Variants in SLC24A4 observed in about 807,000 individuals in gnomAD.
SLC24A4 encodes solute carrier family 24 member 4.
SLC24A4 carries 53 observed loss-of-function variants against 79.0 expected under a neutral mutation model. The observed-to-expected ratio is 0.67, with a 90% CI of 0.54 to 0.84. SLC24A4 has a LOEUF of 0.84. SLC24A4 is among the 40% of genes least tolerant of loss of function. SLC24A4 has a pLI of 0.00. For missense variants in SLC24A4, 731 were observed against 822.0 expected (o/e 0.89, Z 1.35); for synonymous variants, 323 against 323.8 (o/e 1.00, Z 0.03).
chr14:92,424,900 C>G (rs1452088199), intron 2 of SLC24A4, among the ~76,000 whole-genome samples: 1 of 80,894 alleles, frequency 1.2e-5, no homozygotes, highest in African/African-American at 4.3e-5. Context: ...AAAAACAAAA[C>G]CCAGCTCTTG....
At chr14:92,420,539 T>G (rs1891220723) in intron 2 of SLC24A4, among the ~76,000 whole-genome samples, 1 of 152,152 alleles carries the variant, frequency 6.6e-6, no homozygotes, top group South Asian at 2.1e-4. Flanking sequence ...CCTAAGAAAC[T>G]CTATTGTAAA....
At chr14:92,362,556 G>A (rs1887596228) in intron 2 of SLC24A4, among the ~76,000 whole-genome samples, 1 of 152,210 alleles carries the variant, frequency 6.6e-6, no homozygotes, top group Admixed American at 6.5e-5. Flanking sequence ...GACACAGATG[G>A]GCATCCATAG....
chr14:92,417,142 G>C (rs1157691534), intron 2 of SLC24A4, among the ~76,000 whole-genome samples: 1 of 152,128 alleles, frequency 6.6e-6, no homozygotes, highest in Non-Finnish European at 1.5e-5. Context: ...CAAGGACCAT[G>C]TACAGTCATG....
At chr14:92,354,837 G>A (rs1238171785) in intron 2 of SLC24A4, among the ~76,000 whole-genome samples, 1 of 152,178 alleles carries the variant, frequency 6.6e-6, no homozygotes, top group African/African-American at 2.4e-5. Context: ...ACTTTGGGAG[G>A]CCGAGGTGGG....
chr14:92,477,451 T>C (rs1301159129), intron 12 of SLC24A4, among the ~76,000 whole-genome samples: 1 of 152,112 alleles, frequency 6.6e-6, no homozygotes, highest in Non-Finnish European at 1.5e-5. Flanking sequence ...TTTTCCTTTT[T>C]TTGTTGTTGT....
intron 2 of SLC24A4, among the ~76,000 whole-genome samples, chr14:92,376,231 A>T (rs1424816544): frequency 6.6e-6 from 1 of 152,136 alleles, no homozygotes; most frequent in Non-Finnish European, 1.5e-5. Context: ...GGCCTCTCAA[A>T]TGGAGCTGCC....
At chr14:92,435,167 C>G (rs1892098903) in intron 3 of SLC24A4, among the ~76,000 whole-genome samples, 1 of 152,202 alleles carries the variant, frequency 6.6e-6, no homozygotes, top group Non-Finnish European at 1.5e-5. Flanking sequence ...TGTTGTACTT[C>G]TCAAACTTCC....
rs1461040409 is a variant in SLC24A4 at position 92,490,513 on chromosome 14, G to A, written c.1538-1152G>A. On this transcript the variant is annotated intron_variant, in intron 14 of 16. Coordinates refer to ENST00000532405, the MANE Select transcript of SLC24A4 (RefSeq NM_153646.4). The surrounding 1 kb of genome is among the most constrained non-coding windows in gnomAD (Gnocchi z 4.3). ...CAGAAACTACCAGAGCATACAATCC[G>A]ATATCCTGTGATTCCCAGGCAGGGT... Among the ~76,000 whole-genome samples the A allele has an allele frequency of 6.6e-6, 1 of 152,188 alleles. No individual in the cohort carries two copies. Among genetic ancestry groups the A allele is most frequent in the Non-Finnish European group, 1.5e-5 (1 of 68,026 alleles).
intron 13 of SLC24A4, chr14:92,484,587 C>A: frequency 7.1e-6 from 7 of 985,384 alleles, no homozygotes; most frequent in Non-Finnish European, 8.4e-6. Context: ...TCAGGAGAGG[C>A]AGAACCACTC....
intron 13 of SLC24A4, among the ~76,000 whole-genome samples, chr14:92,485,130 A>G (rs578166930): frequency 6.6e-6 from 1 of 152,158 alleles, no homozygotes; most frequent in Admixed American, 6.5e-5. Context: ...CCCACTCCAT[A>G]TGGGGGATGG....
intron 2 of SLC24A4, among the ~76,000 whole-genome samples, chr14:92,355,377 G>A (rs1055452426): frequency 2.0e-5 from 3 of 152,284 alleles, no homozygotes; most frequent in Non-Finnish European, 2.9e-5. Context: ...GGAGACACAC[G>A]TGGACACTGT....
At chr14:92,445,160 AAGGAAAGGCCCGT>A in intron 7 of SLC24A4, 144 bp from the exon 8 acceptor site, 1 of 816,296 alleles carries the variant, frequency 1.2e-6, no homozygotes, top group Non-Finnish European at 2.1e-6. Flanking sequence ...AGGCTACACT[AAGGAAAGGCCCGT>A]AGGTGAGCAG....
intron 2 of SLC24A4, among the ~76,000 whole-genome samples, chr14:92,348,444 G>A (rs1886668465): frequency 6.6e-6 from 1 of 152,212 alleles, no homozygotes; most frequent in Non-Finnish European, 1.5e-5. Context: ...TGCCGATGCA[G>A]GGTGACTCCG....
intron 12 of SLC24A4, among the ~76,000 whole-genome samples, chr14:92,466,406 G>T (rs1894120738): frequency 6.6e-6 from 1 of 152,128 alleles, no homozygotes; most frequent in Admixed American, 6.5e-5. Flanking sequence ...ATACAGAGAG[G>T]CTAAATGCTT....
chr14:92,353,315 G>A lies in SLC24A4; in HGVS notation c.241+27337G>A, dbSNP rs1034570503. Reference sequence around the variant, plus strand: ...TCATCTACATAGTATTCTATTGTGCGGATGTGCTATGATCTATTTAACTCA... The same window carrying A: ...TCATCTACATAGTATTCTATTGTGCAGATGTGCTATGATCTATTTAACTCA... On this transcript the variant is annotated intron_variant, in intron 2 of 16. Coordinates refer to ENST00000532405, the MANE Select transcript of SLC24A4 (RefSeq NM_153646.4). The surrounding 1 kb of genome is among the most constrained non-coding windows in gnomAD (Gnocchi z 4.1). Among the ~76,000 whole-genome samples, 1 of 152,134 alleles carries A rather than the reference G, an allele frequency of 6.6e-6. No homozygotes were observed. Among genetic ancestry groups the A allele is most frequent in the African/African-American group, 2.4e-5 (1 of 41,406 alleles).
chr14:92,412,697 C>T lies in SLC24A4; in HGVS notation c.242-21215C>T, dbSNP rs146034492. Among the ~76,000 whole-genome samples the T allele has an allele frequency of 3.2e-3, 481 of 152,230 alleles. 4 individuals are homozygous for T. Among genetic ancestry groups the T allele is most frequent in the African/African-American group, 0.011 (466 of 41,540 alleles). On this transcript the variant is annotated intron_variant, in intron 2 of 16. Transcript: ENST00000532405. ...GGGTCAGGGGGCCGCAGCATCTCTA[C>T]ATCATCCCCTCCTCTCTGTTTCCAT...
At chr14:92,418,422 A>C (rs1891097591) in intron 2 of SLC24A4, among the ~76,000 whole-genome samples, 1 of 152,184 alleles carries the variant, frequency 6.6e-6, no homozygotes, top group Non-Finnish European at 1.5e-5. Context: ...TGCACTGGTC[A>C]GGGTTCTCCA....
rs749206306 is a variant in SLC24A4 at position 92,482,766 on chromosome 14, C to T, written c.1342C>T (p.Arg448Cys). 1.8e-5 allele frequency: 29 copies of T among 1,614,100 alleles called. No individual in the cohort carries two copies. The highest frequency in any genetic ancestry group is 1.6e-4 in the Middle Eastern group (1 of 6,062). The change falls in exon 13 of 17, where the codon CGC becomes TGC. Residue 448 changes from arginine to cysteine, a missense_variant. Physicochemically the swap from Arg to Cys is radical, Grantham distance 180 (BLOSUM62 -3). Transcript: ENST00000532405. ...CVTIPNCSKP[R>C]WEKFFMVTFI... The stretch of plus-strand genomic sequence containing the variant: ...CACCATTCCCAACTGCAGCAAGCCC[C>T]GCTGGGAGAAGTTCTTCATGGTCAC...
Position 92,329,759 on chromosome 14 carries a change from G to A in SLC24A4, c.241+3781G>A, listed in dbSNP as rs371420769. ...TAGGCTCAAGCAATCCTTCTGCCTC[G>A]GCCTCCCAAAGTGCCAGGATTACAG... is the stretch of plus-strand genomic sequence containing the variant. On this transcript the variant is annotated intron_variant, in intron 2 of 16. Transcript: ENST00000532405. 2.6e-5 allele frequency among the ~76,000 whole-genome samples: 4 copies of A among 152,292 alleles called. No homozygotes were observed. In the East Asian group the frequency reaches 5.8e-4, roughly 22 times the overall value.
Sources: allele counts gnomAD v4.1 joint callset (sites outside exome capture counted in the v4.1 genomes callset), GRCh38; gene constraint gnomAD v4.1.1; non-coding constraint Gnocchi (gnomAD v3.1); transcripts MANE v1.5; gene names NCBI Gene and HGNC (gene_info 2026-07-23, HGNC 2026-07-21).